Variants in ADGRL3 observed in about 807,000 individuals in gnomAD.
ADGRL3 encodes the protein calcium-independent alpha-latrotoxin receptor 3.
In ADGRL3, 62 loss-of-function variants were observed where a neutral mutation model predicts 153.5. The ratio of observed to expected loss-of-function variants is 0.40; its 90% CI spans 0.33 to 0.50. The LOEUF (loss-of-function observed/expected upper bound fraction) is 0.50. Ranked by LOEUF, ADGRL3 falls within the 20% of genes least tolerant of loss-of-function variation. ADGRL3 has a pLI of 0.47. For synonymous variants in ADGRL3, 710 were observed against 672.5 expected, an observed-to-expected ratio of 1.06 and a Z score of -0.86; for missense variants, 1,641 against 1,859.4, an observed-to-expected ratio of 0.88 and a Z score of 2.16.
chr4:62,015,191 GT>G (rs1458151914), intron 21 of ADGRL3, among the ~76,000 whole-genome samples: 1 of 152,102 alleles, frequency 6.6e-6, no homozygotes, highest in African/African-American at 2.4e-5. Context: ...ATTGTTGCTG[GT>G]TTTCTCCACT....
At chr4:62,031,832 A>G (rs1341161937) in intron 23 of ADGRL3, among the ~76,000 whole-genome samples, 1 of 151,612 alleles carries the variant, frequency 6.6e-6, no homozygotes, top group African/African-American at 2.4e-5. Flanking sequence ...TGATTTAAAC[A>G]GTGAACAAAA....
intron 2 of ADGRL3, among the ~76,000 whole-genome samples, chr4:61,448,088 A>G (rs763539253): frequency 6.6e-6 from 1 of 152,156 alleles, no homozygotes; most frequent in East Asian, 1.9e-4. Flanking sequence ...AGGCAAGAAC[A>G]ATCTTGTCTT....
chr4:61,639,256 T>C (rs2093561118), intron 5 of ADGRL3, among the ~76,000 whole-genome samples: 1 of 152,196 alleles, frequency 6.6e-6, no homozygotes, highest in Non-Finnish European at 1.5e-5. Context: ...TTGTGATGAT[T>C]ATTAAAAGAT....
intron 5 of ADGRL3, among the ~76,000 whole-genome samples, chr4:61,604,062 G>T (rs945007523): frequency 3.3e-5 from 5 of 152,180 alleles, no homozygotes; most frequent in Non-Finnish European, 7.4e-5. Flanking sequence ...CATAGCTTTT[G>T]CACCTAAGGT....
chr4:61,422,973 C>A (rs2097225178), intron 2 of ADGRL3, among the ~76,000 whole-genome samples: 1 of 151,800 alleles, frequency 6.6e-6, no homozygotes, highest in Non-Finnish European at 1.5e-5. Context: ...GTGAAAATTC[C>A]TCATGATTAA....
intron 11 of ADGRL3, among the ~76,000 whole-genome samples, chr4:61,908,028 T>C (rs1374466613): frequency 6.6e-6 from 1 of 152,094 alleles, no homozygotes; most frequent in African/African-American, 2.4e-5. Context: ...ATTAACAAAC[T>C]CCTGGTGGCT....
At chr4:61,760,548 C>T (rs2096899260) in intron 8 of ADGRL3, among the ~76,000 whole-genome samples, 1 of 152,236 alleles carries the variant, frequency 6.6e-6, no homozygotes, top group Admixed American at 6.5e-5. Flanking sequence ...TTTCCAGGTG[C>T]TGTCTGTCAC....
At chr4:61,401,611 A>C (rs971644808) in intron 2 of ADGRL3, among the ~76,000 whole-genome samples, 8 of 151,994 alleles carry the variant, frequency 5.3e-5, no homozygotes, top group Admixed American at 4.6e-4. Context: ...TTATCATCTA[A>C]GTTGAAATGT....
At chr4:61,582,003 T>C (rs2098927948) in intron 4 of ADGRL3, among the ~76,000 whole-genome samples, 1 of 152,066 alleles carries the variant, frequency 6.6e-6, no homozygotes, top group Non-Finnish European at 1.5e-5. Context: ...TTGTTTTGCT[T>C]TTAATACATA....
At chr4:61,294,129 G>T (rs1272430825) in intron 1 of ADGRL3, among the ~76,000 whole-genome samples, 1 of 152,112 alleles carries the variant, frequency 6.6e-6, no homozygotes, top group Non-Finnish European at 1.5e-5. Flanking sequence ...CTTGTTCTGA[G>T]CTAGCTGTGT....
intron 1 of ADGRL3, among the ~76,000 whole-genome samples, chr4:61,249,518 A>G (rs1320781994): frequency 6.6e-6 from 1 of 151,126 alleles, no homozygotes; most frequent in Non-Finnish European, 1.5e-5. Flanking sequence ...TGCTACACCT[A>G]CCTCATCTAC....
intron 22 of ADGRL3, among the ~76,000 whole-genome samples, chr4:62,030,185 A>G (rs1721202410): frequency 6.6e-6 from 1 of 151,664 alleles, no homozygotes; most frequent in Non-Finnish European, 1.5e-5. Flanking sequence ...TTGGGACCAT[A>G]TCTTTCTTAA....
intron 2 of ADGRL3, among the ~76,000 whole-genome samples, chr4:61,412,941 T>C (rs1267582209): frequency 1.3e-5 from 2 of 152,210 alleles, no homozygotes; most frequent in Non-Finnish European, 1.5e-5. Flanking sequence ...TGTTTTTTCA[T>C]TAAGTTTGAC....
At chr4:61,766,557 C>T (rs56265152) in intron 8 of ADGRL3, among the ~76,000 whole-genome samples, 5,501 of 151,670 alleles carry the variant, frequency 0.036, 228 homozygotes, top group African/African-American at 0.094. Context: ...CAGTCGGACA[C>T]GATTGGCAGG....
intron 2 of ADGRL3, among the ~76,000 whole-genome samples, chr4:61,482,350 T>C (rs531701176): frequency 6.6e-6 from 1 of 152,334 alleles, no homozygotes; most frequent in Non-Finnish European, 1.5e-5. Context: ...TCAGATACCG[T>C]ATTTTTAATA....
At chr4:61,659,861 A>AT (rs1249570827) in intron 5 of ADGRL3, among the ~76,000 whole-genome samples, 1 of 140,870 alleles carries the variant, frequency 7.1e-6, no homozygotes, top group Non-Finnish European at 1.5e-5. Context: ...CCTGGTATTC[A>AT]TGCTAGGCTG....
chr4:61,349,923 C>A (rs969168354), intron 1 of ADGRL3, among the ~76,000 whole-genome samples: 2 of 152,040 alleles, frequency 1.3e-5, no homozygotes, highest in Non-Finnish European at 2.9e-5. Flanking sequence ...TTCAGTTAGC[C>A]ACTGAAAATA....
intron 8 of ADGRL3, among the ~76,000 whole-genome samples, chr4:61,751,385 C>T (rs2096754799): frequency 6.6e-6 from 1 of 152,046 alleles, no homozygotes; most frequent in Admixed American, 6.6e-5. Flanking sequence ...ATATTTAACC[C>T]TTAAAAACAA....
intron 2 of ADGRL3, among the ~76,000 whole-genome samples, chr4:61,414,070 A>G (rs1363174198): frequency 3.9e-5 from 6 of 152,186 alleles, no homozygotes; most frequent in Non-Finnish European, 8.8e-5. Context: ...ATTAAACAAC[A>G]CTGCTGGGAC....
Sources: gnomAD v4.1 joint callset for allele counts (sites outside exome capture counted in the v4.1 genomes callset) on GRCh38, gnomAD v4.1.1 for gene constraint, MANE v1.5 for transcripts, NCBI Gene and HGNC (gene_info 2026-07-23, HGNC 2026-07-21) for gene names.